Variants in MTREX observed in about 807,000 individuals in gnomAD.
The protein encoded by MTREX is exosome RNA helicase MTR4.
MTREX carries 76 observed loss-of-function variants against 135.4 expected under a neutral mutation model. The observed-to-expected ratio is 0.56, with a 90% CI of 0.47 to 0.68. MTREX has a LOEUF of 0.68. Ranked by LOEUF, MTREX falls within the 30% of genes least tolerant of loss-of-function variation. MTREX has a pLI of 0.00. For missense variants in MTREX, 920 were observed against 1,262.1 expected (o/e 0.73, Z 4.11); for synonymous variants, 404 against 401.6 (o/e 1.01, Z -0.07).
chr5:55,358,765 A>C, intron 15 of MTREX, 67 bp downstream of exon 15: 1 of 1,393,344 alleles, frequency 7.2e-7, no homozygotes, highest in Non-Finnish European at 9.6e-7. Context: ...GCCATTTCAG[A>C]ATTGGTTGTG....
At chr5:55,393,137 G>A (rs1196228758) in intron 19 of MTREX, among the ~76,000 whole-genome samples, 3 of 152,214 alleles carry the variant, frequency 2.0e-5, no homozygotes, top group South Asian at 4.1e-4. Flanking sequence ...AGGAAGCTAA[G>A]GAGTGGGAGA....
chr5:55,415,229 GAAA>G (rs950780392), intron 24 of MTREX, among the ~76,000 whole-genome samples: 1 of 143,718 alleles, frequency 7.0e-6, no homozygotes, highest in Non-Finnish European at 1.5e-5. Context: ...GAAGAAAAAA[GAAA>G]AAAAAAACCT....
intron 24 of MTREX, 25 bp downstream of exon 24, chr5:55,414,263 G>GA: frequency 2.1e-6 from 1 of 472,504 alleles, no homozygotes; most frequent in Non-Finnish European, 3.1e-6. Flanking sequence ...TTTTTTTTTT[G>GA]AACTACATAT....
intron 23 of MTREX, among the ~76,000 whole-genome samples, chr5:55,413,920 G>A (rs1291939661): frequency 6.6e-6 from 1 of 152,070 alleles, no homozygotes; most frequent in Non-Finnish European, 1.5e-5. Flanking sequence ...ATCACAAAAA[G>A]GAGCTAGTTA....
intron 4 of MTREX, among the ~76,000 whole-genome samples, 183 bp downstream of exon 4, chr5:55,327,961 TTACA>T (rs1749410525): frequency 6.6e-6 from 1 of 152,172 alleles, no homozygotes; most frequent in Non-Finnish European, 1.5e-5. Flanking sequence ...AAACCAGCCA[TTACA>T]TGATGAGATT....
intron 18 of MTREX, among the ~76,000 whole-genome samples, chr5:55,385,373 G>A (rs1750461402): frequency 2.0e-5 from 3 of 152,144 alleles, no homozygotes; most frequent in Admixed American, 1.3e-4. Context: ...GGTGAACGAA[G>A]GGGAGCCTCT....
At chr5:55,385,608 C>T (rs543805267) in intron 18 of MTREX, among the ~76,000 whole-genome samples, 1 of 152,012 alleles carries the variant, frequency 6.6e-6, no homozygotes, top group African/African-American at 2.4e-5. Context: ...AAAGACTTTA[C>T]TGAATTTTAG....
At position 55,343,320 on chromosome 5, in the gene MTREX, A is replaced by AT. The variant is rs757981606; in HGVS notation, c.782-4dup. The AT allele has an allele frequency of 1.2e-6, 2 of 1,600,644 alleles. No homozygotes were observed. The highest frequency in any genetic ancestry group is 1.3e-5 in the African/African-American group (1 of 74,288). On this transcript the variant is annotated splice_polypyrimidine_tract_variant and intron_variant, in intron 7 of 26. Coordinates refer to ENST00000230640, the MANE Select transcript of MTREX (RefSeq NM_015360.5). ...CAACTATAGTCCAAAGTATATATTT[A>AT]TTTTTTTCAGAACGTGGTGTAGTAT...
intron 16 of MTREX, among the ~76,000 whole-genome samples, chr5:55,369,111 A>G (rs1326117302): frequency 6.6e-6 from 1 of 150,756 alleles, no homozygotes; most frequent in Non-Finnish European, 1.5e-5. Context: ...TGTATTAATA[A>G]TAAATTTTAT....
intron 1 of MTREX, among the ~76,000 whole-genome samples, chr5:55,314,786 A>G (rs1020610796): frequency 1.3e-5 from 2 of 152,182 alleles, no homozygotes; most frequent in African/African-American, 4.8e-5. Flanking sequence ...GACCAGCAGT[A>G]GGGGGATGGT....
At chr5:55,308,188 C>T (rs778707790) in intron 1 of MTREX, 41 bp downstream of exon 1, 2 of 1,537,392 alleles carry the variant, frequency 1.3e-6, no homozygotes, top group East Asian at 2.3e-5. Context: ...TTTTTTTTCT[C>T]GGTGGGGAGG....
In MTREX at chr5:55,343,312, A is replaced by G. The variant is rs777177165; in HGVS notation, c.782-19A>G. On this transcript the variant is annotated intron_variant, in intron 7 of 26. Coordinates refer to ENST00000230640, the MANE Select transcript of MTREX (RefSeq NM_015360.5). ...CTGTAGTCCAACTATAGTCCAAAGT[A>G]TATATTTATTTTTTTCAGAACGTGG... 3.1e-6 allele frequency: 5 copies of G among 1,596,400 alleles called. No individual in the cohort carries two copies. The Admixed American group carries it at 8.8e-5, about 28-fold the overall frequency.
chr5:55,344,554 C>T lies in MTREX; in HGVS notation c.939C>T (p.Pro313=). 6 of 1,611,882 alleles carry T rather than the reference C, an allele frequency of 3.7e-6. No individual in the cohort carries two copies. Among genetic ancestry groups the T allele is most frequent in the Non-Finnish European group, 5.1e-6 (6 of 1,178,450 alleles). ...PCHVIYTDYR[P]TPLQHYIFPA... is the part of the protein sequence containing the mutation. ...ATGTTATTTACACAGATTATCGGCC[C>T]ACTCCATTGCAACACTACATTTTTC... The change falls in exon 9 of 27, where the codon CCC becomes CCT. Residue 313 remains proline, a synonymous_variant. Coordinates refer to ENST00000230640, the MANE Select transcript of MTREX (RefSeq NM_015360.5).
chr5:55,310,268 GTTTTGT>G (rs1330084966), intron 1 of MTREX, among the ~76,000 whole-genome samples: 2 of 152,164 alleles, frequency 1.3e-5, no homozygotes, highest in South Asian at 2.1e-4. Flanking sequence ...AGCTTAAAGG[GTTTTGT>G]TTACTACCAA....
intron 18 of MTREX, among the ~76,000 whole-genome samples, chr5:55,385,384 A>C (rs1471405653): frequency 6.6e-6 from 1 of 152,110 alleles, no homozygotes; most frequent in East Asian, 1.9e-4. Context: ...GGGAGCCTCT[A>C]CCTTTCAGCC....
At chr5:55,325,917 C>T (rs1328516045) in intron 3 of MTREX, among the ~76,000 whole-genome samples, 1 of 152,088 alleles carries the variant, frequency 6.6e-6, no homozygotes, top group Non-Finnish European at 1.5e-5. Flanking sequence ...ATGATGGCCT[C>T]CAGCTGCATC....
intron 5 of MTREX, among the ~76,000 whole-genome samples, chr5:55,331,906 A>C (rs760596596): frequency 6.6e-6 from 1 of 151,866 alleles, no homozygotes; most frequent in Non-Finnish European, 1.5e-5. Flanking sequence ...GCTATTTATC[A>C]TTGTTTCAGG....
chr5:55,413,113 G>A (rs980862246), intron 23 of MTREX, among the ~76,000 whole-genome samples: 4 of 151,798 alleles, frequency 2.6e-5, no homozygotes, highest in Admixed American at 6.6e-5. Context: ...AGGCTGAGGC[G>A]GGCAGATCAT....
chr5:55,381,604 G>A (rs569156701), intron 18 of MTREX, among the ~76,000 whole-genome samples: 10 of 152,018 alleles, frequency 6.6e-5, no homozygotes, highest in African/African-American at 2.4e-4. Flanking sequence ...TGTTTTTGTC[G>A]AGAATGTACT....
Sources: gnomAD v4.1 joint callset for allele counts (sites outside exome capture counted in the v4.1 genomes callset) on GRCh38, gnomAD v4.1.1 for gene constraint, MANE v1.5 for transcripts, NCBI Gene and HGNC (gene_info 2026-07-23, HGNC 2026-07-21) for gene names.